COL5A2: variants seen among roughly 807,000 people sequenced by gnomAD.
COL5A2 encodes collagen type V alpha 2 chain.
COL5A2 carries 23 observed loss-of-function variants against 208.2 expected under a neutral mutation model. The ratio of observed to expected loss-of-function variants is 0.11; its 90% CI spans 0.08 to 0.16. The LOEUF (loss-of-function observed/expected upper bound fraction) is 0.16. Ranked by LOEUF, COL5A2 falls within the 10% of genes least tolerant of loss-of-function variation. The pLI, the probability that COL5A2 is intolerant of heterozygous loss-of-function variation, is 1.00. For synonymous variants in COL5A2, 625 were observed against 628.5 expected (o/e 0.99, Z 0.08); for missense variants, 1,590 against 1,956.4 (o/e 0.81, Z 3.53).
At chr2:189,103,376 T>C (rs1687084876) in intron 3 of COL5A2, among the ~76,000 whole-genome samples, 1 of 152,046 alleles carries the variant, frequency 6.6e-6, no homozygotes. Context: ...CACTCTTACT[T>C]ATCATGAATG....
intron 23 of COL5A2, among the ~76,000 whole-genome samples, chr2:189,065,641 T>C (rs1317784462): frequency 2.0e-5 from 3 of 152,204 alleles, no homozygotes; most frequent in African/African-American, 7.2e-5. Context: ...GTACCATCTA[T>C]AGCAATTAAA....
the COL5A2 span, among the ~76,000 whole-genome samples, chr2:189,348,740 C>T: frequency 6.6e-6 from 1 of 152,162 alleles, no homozygotes; most frequent in Non-Finnish European, 1.5e-5. Flanking sequence ...ATAAGCTGCA[C>T]CCAGACTCCA....
chr2:189,303,325 C>G, the COL5A2 span, among the ~76,000 whole-genome samples: 2 of 152,100 alleles, frequency 1.3e-5, no homozygotes, highest in Non-Finnish European at 2.9e-5. Context: ...TATAAAAGCC[C>G]TTTGTAAACT....
At chr2:189,411,745 T>A in the COL5A2 span, among the ~76,000 whole-genome samples, 795 of 152,290 alleles carry the variant, frequency 5.2e-3, 9 homozygotes, top group African/African-American at 0.018. Context: ...TGATTTTTTT[T>A]AAAAAGCACA....
At chr2:189,241,907 T>A in the COL5A2 span, among the ~76,000 whole-genome samples, 1 of 152,200 alleles carries the variant, frequency 6.6e-6, no homozygotes, top group Non-Finnish European at 1.5e-5. Flanking sequence ...CCTTTGCTAA[T>A]TTGGCAGGCC....
At chr2:189,113,141 C>G (rs974804445) in intron 1 of COL5A2, among the ~76,000 whole-genome samples, 2 of 152,096 alleles carry the variant, frequency 1.3e-5, no homozygotes, top group Non-Finnish European at 2.9e-5. Flanking sequence ...ATATTGAAAG[C>G]ATATGTGGCT....
intron 1 of COL5A2, among the ~76,000 whole-genome samples, chr2:189,197,854 GTT>G (rs5837131): frequency 1.8e-4 from 26 of 140,762 alleles, no homozygotes; most frequent in Middle Eastern, 3.6e-3. Flanking sequence ...ATAGGCTCTT[GTT>G]TTTTTTTTTT....
chr2:189,394,333 A>G, the COL5A2 span, among the ~76,000 whole-genome samples: 41 of 152,210 alleles, frequency 2.7e-4, no homozygotes, highest in Admixed American at 2.6e-3. Context: ...GTTACTATGG[A>G]CTGAATGTTT....
chr2:189,057,530 G>A, intron 33 of COL5A2, 103 bp from the exon 34 acceptor site: 1 of 803,772 alleles, frequency 1.2e-6, no homozygotes, highest in Non-Finnish European at 2.2e-6. Context: ...ATTTCATGTA[G>A]TTCAACTTAG....
At chr2:189,426,631 C>CA in the COL5A2 span, among the ~76,000 whole-genome samples, 2 of 152,200 alleles carry the variant, frequency 1.3e-5, no homozygotes. Flanking sequence ...TCAACCTTGG[C>CA]AAAATCAACT....
the COL5A2 span, among the ~76,000 whole-genome samples, chr2:189,406,474 T>C: frequency 2.0e-5 from 3 of 152,304 alleles, no homozygotes; most frequent in Non-Finnish European, 2.9e-5. Context: ...GTATTTTTCC[T>C]GCCACAAATT....
intron 1 of COL5A2, among the ~76,000 whole-genome samples, chr2:189,206,507 A>G (rs116414607): frequency 6.6e-6 from 1 of 152,324 alleles, no homozygotes; most frequent in African/African-American, 2.4e-5. Flanking sequence ...GAATATAAGA[A>G]GTTTCTTCTC....
At chr2:189,346,167 C>T in the COL5A2 span, among the ~76,000 whole-genome samples, 3 of 152,172 alleles carry the variant, frequency 2.0e-5, no homozygotes, top group African/African-American at 7.2e-5. Context: ...CTATAGGCCG[C>T]TTGAGGCAAA....
chr2:189,050,518 C>T (rs1685761902), intron 43 of COL5A2, 51 bp downstream of exon 43: 2 of 1,373,000 alleles, frequency 1.5e-6, no homozygotes, highest in Non-Finnish European at 2.0e-6. Flanking sequence ...ATTCTCTAAA[C>T]AATTTGTATT....
At chr2:189,402,787 C>CTATAGTATAGTATAGTATAG in the COL5A2 span, among the ~76,000 whole-genome samples, 589 of 150,362 alleles carry the variant, frequency 3.9e-3, 3 homozygotes, top group African/African-American at 0.013. Context: ...GCTCTTTTGG[C>CTATAGTATAGTATAGTATAG]TATAGTATAG....
intron 1 of COL5A2, among the ~76,000 whole-genome samples, chr2:189,115,827 C>T (rs1178606740): frequency 6.6e-6 from 1 of 152,114 alleles, no homozygotes; most frequent in African/African-American, 2.4e-5. Flanking sequence ...CATTGATATG[C>T]CTATTAAAAA....
At chr2:189,035,865 A>G (rs1364477221) in intron 52 of COL5A2, among the ~76,000 whole-genome samples, 3 of 152,134 alleles carry the variant, frequency 2.0e-5, no homozygotes, top group Non-Finnish European at 2.9e-5. Context: ...CCATAAAGAG[A>G]TGCAGAATGA....
Position 189,039,356 on chromosome 2 carries a change from T to G in COL5A2, c.3841A>C (p.Thr1281Pro). The G allele has an allele frequency of 6.2e-7, 1 of 1,613,940 alleles. No homozygotes were observed. The highest frequency in any genetic ancestry group is 1.1e-5 in the South Asian group (1 of 91,070). Residue 1281 changes from threonine to proline, a missense_variant, in exon 51 of 54, where the codon ACC becomes CCC. By Grantham distance (38) the Thr-to-Pro change is conservative. Transcript: ENST00000374866. ...TTCGAGCCATCGGGGCTGCGCATGG[T>G]TTCAATCTGACTACTGAGTGACTTC... ...TLKSLSSQIE[T>P]MRSPDGSKKH... is the part of the protein sequence containing the mutation.
chr2:189,167,174 C>T (rs1206503946), intron 1 of COL5A2, among the ~76,000 whole-genome samples: 1 of 152,124 alleles, frequency 6.6e-6, no homozygotes, highest in African/African-American at 2.4e-5. Flanking sequence ...AGGACTTTAG[C>T]AAATGTTGCA....
Sources: allele counts gnomAD v4.1 joint callset (sites outside exome capture counted in the v4.1 genomes callset), GRCh38; gene constraint gnomAD v4.1.1; transcripts MANE v1.5; gene names NCBI Gene and HGNC (gene_info 2026-07-23, HGNC 2026-07-21).